DLG2: variants seen among roughly 807,000 people sequenced by gnomAD.
The protein encoded by DLG2 is discs large MAGUK scaffold protein 2.
DLG2 carries 45 observed loss-of-function variants against 132.5 expected under a neutral mutation model. That is an observed-to-expected ratio of 0.34 (90% CI 0.27 to 0.44). The LOEUF (loss-of-function observed/expected upper bound fraction) is 0.44. Ranked by LOEUF, DLG2 falls within the 20% of genes least tolerant of loss-of-function variation. The pLI, the probability that DLG2 is intolerant of heterozygous loss-of-function variation, is 1.00. For synonymous variants in DLG2, 424 were observed against 419.6 expected, an observed-to-expected ratio of 1.01 and a Z score of -0.13; for missense variants, 1,045 against 1,196.9, an observed-to-expected ratio of 0.87 and a Z score of 1.87.
chr11:83,893,435 C>T (rs2070595412), intron 15 of DLG2, among the ~76,000 whole-genome samples: 1 of 152,200 alleles, frequency 6.6e-6, no homozygotes, highest in Non-Finnish European at 1.5e-5. Flanking sequence ...GGCCTTCTTC[C>T]TGCCTCTCAG....
chr11:84,734,316 A>G (rs954776656), intron 6 of DLG2, among the ~76,000 whole-genome samples: 28 of 151,960 alleles, frequency 1.8e-4, no homozygotes, highest in Non-Finnish European at 3.2e-4. Flanking sequence ...TATTTTGTTG[A>G]GCAGTGGTTT....
At chr11:85,524,901 A>G (rs1475317635) in intron 3 of DLG2, 1 of 152,086 alleles carries the variant, frequency 6.6e-6, no homozygotes, top group African/African-American at 2.4e-5. Flanking sequence ...TGACAGAAAG[A>G]GTATGAGAGA....
intron 6 of DLG2, among the ~76,000 whole-genome samples, chr11:85,080,440 T>A (rs2067090995): frequency 6.6e-6 from 1 of 152,132 alleles, no homozygotes; most frequent in South Asian, 2.1e-4. Flanking sequence ...AATGATCTAA[T>A]ATTAACTCAT....
At chr11:84,324,426 C>T (rs1246641247) in intron 7 of DLG2, among the ~76,000 whole-genome samples, 2 of 151,932 alleles carry the variant, frequency 1.3e-5, no homozygotes, top group Non-Finnish European at 2.9e-5. Context: ...CAGCTTAGTG[C>T]CATAGTGTCT....
At chr11:83,490,164 C>T (rs530866563) in intron 21 of DLG2, among the ~76,000 whole-genome samples, 2 of 151,936 alleles carry the variant, frequency 1.3e-5, no homozygotes, top group South Asian at 4.1e-4. Context: ...GAGTCTGAAA[C>T]ATTTCGTGGG....
chr11:85,554,798 C>T (rs1048896153), intron 3 of DLG2, among the ~76,000 whole-genome samples: 1 of 151,674 alleles, frequency 6.6e-6, no homozygotes, highest in Non-Finnish European at 1.5e-5. Flanking sequence ...TATTTTAGAA[C>T]CTAAGGTTGG....
intron 4 of DLG2, among the ~76,000 whole-genome samples, chr11:85,205,021 CAA>C (rs1434411143): frequency 2.0e-5 from 3 of 151,774 alleles, no homozygotes; most frequent in Non-Finnish European, 2.9e-5. Flanking sequence ...CACTTTACAC[CAA>C]AAGTCAACTC....
intron 3 of DLG2, among the ~76,000 whole-genome samples, chr11:85,483,168 C>G (rs1339496257): frequency 6.6e-6 from 1 of 151,982 alleles, no homozygotes; most frequent in African/African-American, 2.4e-5. Context: ...AAGAGAGGAT[C>G]CTATTAGCAA....
intron 19 of DLG2, among the ~76,000 whole-genome samples, chr11:83,631,029 G>A (rs6592134): frequency 0.05 from 7,630 of 152,124 alleles, 675 homozygotes; most frequent in African/African-American, 0.17. Context: ...ACAACTGACC[G>A]TGGTCCTATA....
intron 11 of DLG2, among the ~76,000 whole-genome samples, chr11:83,998,841 T>C (rs1029920062): frequency 7.9e-5 from 12 of 152,152 alleles, no homozygotes; most frequent in Non-Finnish European, 1.5e-4. Flanking sequence ...TGCAAGAGAA[T>C]TGTGGACTGT....
chr11:83,979,787 C>G (rs765816211), intron 12 of DLG2, among the ~76,000 whole-genome samples: 1 of 152,266 alleles, frequency 6.6e-6, no homozygotes, highest in East Asian at 1.9e-4. Flanking sequence ...TGTGGAAATA[C>G]GCTTATCAGT....
chr11:84,309,647 A>G (rs1401165561), intron 7 of DLG2, among the ~76,000 whole-genome samples: 2 of 152,232 alleles, frequency 1.3e-5, no homozygotes, highest in Non-Finnish European at 2.9e-5. Flanking sequence ...ATGAATGAGA[A>G]TAAAACCAGG....
chr11:84,673,531 C>G (rs910289042), intron 6 of DLG2, among the ~76,000 whole-genome samples: 2 of 149,788 alleles, frequency 1.3e-5, no homozygotes, highest in Admixed American at 6.7e-5. Flanking sequence ...ATATTATTAT[C>G]TGGATTATTT....
intron 11 of DLG2, among the ~76,000 whole-genome samples, chr11:84,012,969 A>G (rs571755763): frequency 2.1e-4 from 32 of 150,794 alleles, no homozygotes; most frequent in African/African-American, 7.8e-4. Flanking sequence ...AACAGGTCTC[A>G]GATCTGTCTT....
At chr11:83,794,710 A>G (rs765744608) in intron 17 of DLG2, among the ~76,000 whole-genome samples, 3 of 152,158 alleles carry the variant, frequency 2.0e-5, no homozygotes, top group Non-Finnish European at 4.4e-5. Context: ...CATTTTACTG[A>G]TAAGAAAACT....
At chr11:85,044,058 T>G (rs2062096295) in intron 6 of DLG2, among the ~76,000 whole-genome samples, 1 of 152,044 alleles carries the variant, frequency 6.6e-6, no homozygotes, top group Non-Finnish European at 1.5e-5. Context: ...GAATGGCCCC[T>G]GATCTTTCTC....
At chr11:85,382,304 T>G (rs569719514) in intron 3 of DLG2, among the ~76,000 whole-genome samples, 3 of 152,200 alleles carry the variant, frequency 2.0e-5, no homozygotes, top group African/African-American at 7.2e-5. Context: ...TGGGGACAAT[T>G]GAAAATTCAT....
intron 8 of DLG2, among the ~76,000 whole-genome samples, chr11:84,193,307 AC>A (rs1278721602): frequency 1.3e-5 from 2 of 152,212 alleles, no homozygotes; most frequent in African/African-American, 4.8e-5. Flanking sequence ...CAGCCACATC[AC>A]CTGGTGTTAG....
chr11:83,693,477 G>A lies in DLG2; in HGVS notation c.1826-60152C>T, dbSNP rs140629539. ...CATAGCAGTAGGGTGTGGGAACGGC[G>A]AAGGCAGCTCTGTGCCTGCTGCTCC... On this transcript the variant is annotated intron_variant, in intron 18 of 27. Coordinates refer to ENST00000376104, the MANE Select transcript of DLG2 (RefSeq NM_001142699.3). 5.6e-3 allele frequency among the ~76,000 whole-genome samples: 845 copies of A among 152,102 alleles called. 6 individuals carry two copies. Among genetic ancestry groups the A allele is most frequent in the African/African-American group, 0.019 (785 of 41,486 alleles).
Sources: gnomAD v4.1 joint callset for allele counts (sites outside exome capture counted in the v4.1 genomes callset) on GRCh38, gnomAD v4.1.1 for gene constraint, MANE v1.5 for transcripts, NCBI Gene and HGNC (gene_info 2026-07-23, HGNC 2026-07-21) for gene names.